The following SIPA1L2 variants were observed in gnomAD, a reference collection of about 807,000 sequenced individuals.
SIPA1L2 encodes the protein signal-induced proliferation-associated 1-like protein 2.
A neutral mutation model predicts 163.9 loss-of-function variants in SIPA1L2; 56 were observed. That is an observed-to-expected ratio of 0.34 (90% CI 0.28 to 0.43). The LOEUF is 0.43. Ranked by LOEUF, SIPA1L2 falls within the 20% of genes least tolerant of loss-of-function variation. The pLI is 1.00. For missense variants in SIPA1L2, 1,974 were observed against 2,193.5 expected, an observed-to-expected ratio of 0.90 and a Z score of 2.00; for synonymous variants, 877 against 865.7, an observed-to-expected ratio of 1.01 and a Z score of -0.23.
chr1:232,469,920 T>A (rs910615325), intron 8 of SIPA1L2, among the ~76,000 whole-genome samples: 2 of 151,850 alleles, frequency 1.3e-5, no homozygotes, highest in Non-Finnish European at 2.9e-5. Flanking sequence ...ATCTTTACAA[T>A]TTTTTGTGCT....
chr1:232,622,867 CA>C (rs1662889113), intron 1 of SIPA1L2, among the ~76,000 whole-genome samples: 1 of 152,186 alleles, frequency 6.6e-6, no homozygotes, highest in South Asian at 2.1e-4. Context: ...TTTAGTTCAA[CA>C]AAAGCCAAGA....
Position 232,531,759 on chromosome 1 carries a change from A to G in SIPA1L2, c.-269-16151T>C, listed in dbSNP as rs377120940. Among the ~76,000 whole-genome samples the G allele has an allele frequency of 1.5e-3, 226 of 152,294 alleles. 2 individuals are homozygous for G. Among genetic ancestry groups the G allele is most frequent in the African/African-American group, 5.1e-3 (214 of 41,568 alleles). On this transcript the variant is annotated intron_variant, in intron 2 of 22. Coordinates refer to ENST00000674635, the MANE Select transcript of SIPA1L2 (RefSeq NM_020808.5). ...ACTGCTATCATGGGACAGGATCAGAAAGGTTGGGGACATGTAGGTGCCGGT... is the reference window on the plus strand; with the variant it reads ...ACTGCTATCATGGGACAGGATCAGAGAGGTTGGGGACATGTAGGTGCCGGT...
chr1:232,482,265 G>A (rs12117428), intron 6 of SIPA1L2, among the ~76,000 whole-genome samples: 38,288 of 151,944 alleles, frequency 0.25, 4,957 homozygotes, highest in Admixed American at 0.35. Context: ...AGTTTTACAG[G>A]TGACACAGAT....
At chr1:232,595,272 C>T (rs898732154) in intron 1 of SIPA1L2, among the ~76,000 whole-genome samples, 3 of 152,194 alleles carry the variant, frequency 2.0e-5, no homozygotes, top group Admixed American at 6.5e-5. Flanking sequence ...ATCTAATTTC[C>T]AGTCCAATGG....
intron 5 of SIPA1L2, chr1:232,490,641 C>A: frequency 2.2e-6 from 1 of 450,270 alleles, no homozygotes. Flanking sequence ...TGGGACACAC[C>A]AAAACCTTGG....
At chr1:232,605,670 G>A (rs1661875135) in intron 1 of SIPA1L2, among the ~76,000 whole-genome samples, 1 of 151,320 alleles carries the variant, frequency 6.6e-6, no homozygotes, top group African/African-American at 2.4e-5. Context: ...CTCCAGCCTG[G>A]GCGACAGAGC....
At chr1:232,500,927 A>C (rs1041785563) in intron 3 of SIPA1L2, among the ~76,000 whole-genome samples, 1 of 152,212 alleles carries the variant, frequency 6.6e-6, no homozygotes, top group East Asian at 1.9e-4. Flanking sequence ...CAGCCGCCCT[A>C]ACCTTCAACA....
chr1:232,620,102 C>T (rs1460127001), intron 1 of SIPA1L2, among the ~76,000 whole-genome samples: 1 of 152,154 alleles, frequency 6.6e-6, no homozygotes, highest in Non-Finnish European at 1.5e-5. Flanking sequence ...TCAGGCTGGT[C>T]TTGAACTCCT....
intron 1 of SIPA1L2, among the ~76,000 whole-genome samples, chr1:232,618,527 G>A (rs900600652): frequency 2.0e-5 from 3 of 151,900 alleles, no homozygotes; most frequent in South Asian, 2.1e-4. Context: ...GGTGGCGTGC[G>A]CCTATAATCC....
chr1:232,580,215 T>C (rs1448673191), intron 1 of SIPA1L2, among the ~76,000 whole-genome samples: 1 of 152,198 alleles, frequency 6.6e-6, no homozygotes, highest in Non-Finnish European at 1.5e-5. Flanking sequence ...ATTTGTAAAC[T>C]GTCATGGCAC....
At position 232,425,613 on chromosome 1, in the gene SIPA1L2, C is replaced by T. The variant is rs567382979; in HGVS notation, c.4606G>A (p.Ala1536Thr). The T allele has an allele frequency of 2.9e-5, 46 of 1,603,382 alleles. No individual in the cohort carries two copies. Among genetic ancestry groups the T allele is most frequent in the East Asian group, 2.0e-4 (9 of 44,676 alleles). ...HSTLPPRAHP[A>T]PSMGSLRNEF... ...CTTCTCAGGCTCCCCATGCTGGGTGCGGGGTGGGCCCGCGGAGGCAGCGTG... is the reference window on the plus strand; with the variant it reads ...CTTCTCAGGCTCCCCATGCTGGGTGTGGGGTGGGCCCGCGGAGGCAGCGTG... The change falls in exon 18 of 23, where the codon GCA (alanine) becomes ACA (threonine). Residue 1536 changes from alanine to threonine, a missense_variant. Around this residue, in one of 3 missense-constraint regions of SIPA1L2, gnomAD observed 1,079 missense variants for 1,150.7 expected, o/e 0.94. Coordinates refer to ENST00000674635, the MANE Select transcript of SIPA1L2 (RefSeq NM_020808.5).
intron 2 of SIPA1L2, among the ~76,000 whole-genome samples, chr1:232,536,896 T>C (rs1486790876): frequency 6.6e-6 from 1 of 152,210 alleles, no homozygotes; most frequent in Non-Finnish European, 1.5e-5. Flanking sequence ...TCTCAAAGAA[T>C]GTGCTTTAAT....
chr1:232,399,918 G>A (rs775775885), intron 22 of SIPA1L2, among the ~76,000 whole-genome samples: 2 of 152,074 alleles, frequency 1.3e-5, no homozygotes, highest in Non-Finnish European at 2.9e-5. Flanking sequence ...TGTAATAATC[G>A]GTATTTCTGT....
intron 10 of SIPA1L2, among the ~76,000 whole-genome samples, chr1:232,448,845 T>C (rs1451888970): frequency 6.6e-6 from 1 of 152,146 alleles, no homozygotes; most frequent in Non-Finnish European, 1.5e-5. Context: ...AGTCAGGCAG[T>C]AACCTATCCC....
At chr1:232,612,949 T>C (rs1021131210) in intron 1 of SIPA1L2, among the ~76,000 whole-genome samples, 1 of 152,052 alleles carries the variant, frequency 6.6e-6, no homozygotes, top group Non-Finnish European at 1.5e-5. Flanking sequence ...GGGAGGGACC[T>C]GGTGGAAGAT....
intron 1 of SIPA1L2, among the ~76,000 whole-genome samples, chr1:232,575,402 T>C (rs539188462): frequency 1.3e-5 from 2 of 152,300 alleles, no homozygotes; most frequent in East Asian, 3.9e-4. Context: ...CTCGTCTTAG[T>C]TTTAAAAAGC....
intron 19 of SIPA1L2, among the ~76,000 whole-genome samples, chr1:232,405,899 T>G (rs1660605660): frequency 6.6e-6 from 1 of 152,166 alleles, no homozygotes; most frequent in Admixed American, 6.5e-5. Flanking sequence ...TACCCACATA[T>G]TTAACAGAAA....
Position 232,482,694 on chromosome 1 carries a change from T to C in SIPA1L2, c.1981+1098A>G, listed in dbSNP as rs1358842318. 2.0e-5 allele frequency among the ~76,000 whole-genome samples: 3 copies of C among 152,156 alleles called. No individual in the cohort carries two copies. The East Asian group carries it at 5.8e-4, about 29-fold the overall frequency. On this transcript the variant is annotated intron_variant, in intron 6 of 22. Coordinates refer to ENST00000674635, the MANE Select transcript of SIPA1L2 (RefSeq NM_020808.5). ...ACAGGTCTAAAAACAGAACTGACTA[T>C]AGGCACCACCCTCATCCAGATGGAG...
At chr1:232,408,355 C>T (rs958425767) in intron 19 of SIPA1L2, among the ~76,000 whole-genome samples, 3 of 151,070 alleles carry the variant, frequency 2.0e-5, no homozygotes, top group African/African-American at 4.9e-5. Flanking sequence ...TTTTTAAATG[C>T]ACAATATTTT....
Sources: gnomAD v4.1 joint callset for allele counts (sites outside exome capture counted in the v4.1 genomes callset) on GRCh38, gnomAD v4.1.1 for gene constraint, gnomAD v4.1.1 regional missense constraint, MANE v1.5 for transcripts, NCBI Gene and HGNC (gene_info 2026-07-23, HGNC 2026-07-21) for gene names.